The following VPS13D variants were observed in gnomAD, a reference collection of about 807,000 sequenced individuals.
VPS13D encodes the protein vacuolar protein sorting 13 homolog D.
Under a neutral mutation model 461.9 loss-of-function variants are expected in VPS13D, and 187 were observed. The ratio of observed to expected loss-of-function variants is 0.40; its 90% CI spans 0.36 to 0.46. The LOEUF (loss-of-function observed/expected upper bound fraction) is 0.46. Ranked by LOEUF, VPS13D falls within the 20% of genes least tolerant of loss-of-function variation. The probability of loss-of-function intolerance (pLI) is 0.60; values close to 1 mark genes in which losing one functional copy is unlikely to be tolerated. For synonymous variants in VPS13D, 1,951 were observed against 1,986.3 expected (o/e 0.98, Z 0.47); for missense variants, 4,711 against 5,364.9 (o/e 0.88, Z 3.81).
chr1:12,363,007 A>C, intron 51 of VPS13D, 65 bp from the exon 52 acceptor site: 2 of 1,593,688 alleles, frequency 1.3e-6, no homozygotes, highest in Non-Finnish European at 1.7e-6. Flanking sequence ...CAGAGTAGGT[A>C]CTCAGTAACA....
chr1:12,361,857 CTTTTA>C (rs1414247194), intron 50 of VPS13D, among the ~76,000 whole-genome samples: 2 of 151,662 alleles, frequency 1.3e-5, no homozygotes, highest in Non-Finnish European at 2.9e-5. Context: ...TGAATAAATT[CTTTTA>C]TTTATTTATT....
In VPS13D at chr1:12,468,680, C is replaced by A. The variant is rs182990153; in HGVS notation, c.12662+8284C>A. ...AGACATTTTCTTGCTAAATTTCTTA[C>A]TAACTTGTCAAATGGAGGGAAAATA... is the stretch of plus-strand genomic sequence containing the variant. On this transcript the variant is annotated intron_variant, in intron 67 of 69. Coordinates refer to ENST00000620676, the MANE Select transcript of VPS13D (RefSeq NM_015378.4). 7.7e-4 allele frequency among the ~76,000 whole-genome samples: 118 copies of A among 152,302 alleles called. 2 individuals are homozygous for A. The highest frequency in any genetic ancestry group is 2.7e-3 in the African/African-American group (111 of 41,562).
chr1:12,383,011 T>C lies in VPS13D; in HGVS notation c.11226T>C (p.Ala3742=), dbSNP rs746057802. The change falls in exon 58 of 70, where the codon GCT becomes GCC. Residue 3742 remains alanine (A), a synonymous_variant. Transcript: ENST00000620676. ...GACTTTCTGGTTTGTTTGATGGAGCTGAAGTTGTTCTTGGTCCTGACACTT... is the reference window on the plus strand; with the variant it reads ...GACTTTCTGGTTTGTTTGATGGAGCCGAAGTTGTTCTTGGTCCTGACACTT... ...KGGLSGLFDG[A]EVVLGPDTSM... The C allele has an allele frequency of 8.7e-6, 14 of 1,614,062 alleles. No homozygotes were observed. Among genetic ancestry groups the C allele is most frequent in the African/African-American group, 1.3e-5 (1 of 74,930 alleles).
At position 12,283,607 on chromosome 1, in the gene VPS13D, C is replaced by T. The variant is rs761717515; in HGVS notation, c.5505C>T (p.Ile1835=). ...TTGTGATATTAGACTTTTTTGGAAT[C>T]GGCTCCACTGCAGACAACCACGCAA... ...TWVVILDFFG[I]GSTADNHAMR... is the part of the protein sequence containing the mutation. The change falls in exon 21 of 70, where the codon ATC becomes ATT. Residue 1835 remains isoleucine (I), a synonymous_variant. Transcript: ENST00000620676. 2.0e-5 allele frequency: 33 copies of T among 1,614,030 alleles called. No homozygotes were observed. The highest frequency in any genetic ancestry group is 2.3e-5 in the Non-Finnish European group (27 of 1,180,022).
rs754978927 is a variant in VPS13D at position 12,319,566 on chromosome 1, C to T, written c.7484C>T (p.Thr2495Ile). ...AATGCCATTATTCTGAAAGGCACCA[C>T]AGTGCTCACCTATAAGCCCCGGTTT... ...DTNAIILKGTTVLTYKPRFVD... is the reference protein window; with the variant it reads ...DTNAIILKGTIVLTYKPRFVD... Residue 2495 changes from threonine to isoleucine, a missense_variant, in exon 32 of 70, where the codon ACA becomes ATA. By Grantham distance (89) the Thr-to-Ile change is moderately conservative. This residue lies in a region of VPS13D where 4,411 missense variants were observed against 4,937.8 expected (regional missense o/e 0.89). Transcript: ENST00000620676. The T allele has an allele frequency of 1.2e-6, 2 of 1,614,200 alleles. No homozygotes were observed. Among genetic ancestry groups the T allele is most frequent in the Non-Finnish European group, 1.7e-6 (2 of 1,180,038 alleles).
chr1:12,433,212 G>A (rs1406485445), intron 65 of VPS13D, among the ~76,000 whole-genome samples: 2 of 151,812 alleles, frequency 1.3e-5, no homozygotes, highest in East Asian at 3.9e-4. Context: ...GTAGGTGCTC[G>A]AAACCTTTGC....
intron 24 of VPS13D, among the ~76,000 whole-genome samples, chr1:12,298,681 A>G (rs1642342349): frequency 6.7e-6 from 1 of 150,186 alleles, no homozygotes; most frequent in Non-Finnish European, 1.5e-5. Flanking sequence ...TTTTGGGTGC[A>G]GTCATATTCT....
intron 2 of VPS13D, among the ~76,000 whole-genome samples, chr1:12,235,641 G>A (rs915713424): frequency 3.3e-5 from 5 of 152,152 alleles, no homozygotes; most frequent in African/African-American, 4.8e-5. Context: ...TTGTGGCAGC[G>A]CTAGGCCATG....
intron 49 of VPS13D, among the ~76,000 whole-genome samples, chr1:12,356,942 G>C (rs1404485057): frequency 6.6e-6 from 1 of 152,146 alleles, no homozygotes; most frequent in Non-Finnish European, 1.5e-5. Flanking sequence ...TCCAGGATTT[G>C]TATCACATTT....
chr1:12,308,130 C>CA (rs1184833566), intron 26 of VPS13D, among the ~76,000 whole-genome samples: 1 of 152,176 alleles, frequency 6.6e-6, no homozygotes, highest in Non-Finnish European at 1.5e-5. Context: ...ATCAATCCCC[C>CA]AGCCTCAGTT....
intron 1 of VPS13D, among the ~76,000 whole-genome samples, chr1:12,232,637 CTTTTTTTTTTTTT>C (rs772757546): frequency 1.3e-4 from 9 of 71,016 alleles, no homozygotes; most frequent in African/African-American, 4.9e-4. Flanking sequence ...TAAAATTAGT[CTTTTTTTTTTTTT>C]TTTTTTTTTT....
At chr1:12,260,415 AT>A (rs975675456) in intron 10 of VPS13D, among the ~76,000 whole-genome samples, 9 of 150,252 alleles carry the variant, frequency 6.0e-5, no homozygotes, top group South Asian at 2.1e-4. Context: ...CTTGTTAGTG[AT>A]TTTTTTTTTC....
At chr1:12,302,209 T>C (rs1012278354) in intron 25 of VPS13D, among the ~76,000 whole-genome samples, 16 of 152,198 alleles carry the variant, frequency 1.1e-4, no homozygotes, top group African/African-American at 3.9e-4. Flanking sequence ...GTATATGTGG[T>C]CTGTGGTTGA....
chr1:12,304,371 A>C, intron 25 of VPS13D, 135 bp from the exon 26 acceptor site: 1 of 731,244 alleles, frequency 1.4e-6, no homozygotes, highest in Non-Finnish European at 2.2e-6. Context: ...GGCTGAGGGA[A>C]GTATAAGTAT....
At chr1:12,333,604 C>A (rs148434677) in intron 38 of VPS13D, among the ~76,000 whole-genome samples, 2 of 152,184 alleles carry the variant, frequency 1.3e-5, no homozygotes, top group Non-Finnish European at 2.9e-5. Flanking sequence ...ACTTAGGAAA[C>A]GTAAATGGCC....
intron 68 of VPS13D, chr1:12,499,488 T>C: frequency 1.0e-6 from 1 of 985,364 alleles, no homozygotes; most frequent in African/African-American, 1.7e-5. Flanking sequence ...TAGAAGAAAT[T>C]GCGTGGTACA....
chr1:12,341,874 C>T lies in VPS13D; in HGVS notation c.8721C>T (p.Thr2907=), dbSNP rs1643575828. Residue 2907 remains threonine (T), a synonymous_variant, in exon 41 of 70, where the codon ACC becomes ACT. Coordinates refer to ENST00000620676, the MANE Select transcript of VPS13D (RefSeq NM_015378.4). Reference sequence around the variant, plus strand: ...CTTTGTGGTTTGCCACCCTGACCACCACACCCACCAGGTAAGCAGTCAGTT... The same window carrying T: ...CTTTGTGGTTTGCCACCCTGACCACTACACCCACCAGGTAAGCAGTCAGTT... ...GCTLWFATLT[T]TPTRAALSHS... 6.2e-7 allele frequency: 1 copy of T among 1,614,028 alleles called. No homozygotes were observed. Among genetic ancestry groups the T allele is most frequent in the Non-Finnish European group, 8.5e-7 (1 of 1,179,954 alleles).
intron 35 of VPS13D, among the ~76,000 whole-genome samples, chr1:12,324,855 T>G (rs1167469016): frequency 1.3e-5 from 2 of 152,226 alleles, no homozygotes; most frequent in Non-Finnish European, 2.9e-5. Context: ...AGGCAGACAT[T>G]ATTATTCCCA....
chr1:12,364,258 T>C (rs1643997106), intron 52 of VPS13D, among the ~76,000 whole-genome samples: 1 of 152,182 alleles, frequency 6.6e-6, no homozygotes, highest in Non-Finnish European at 1.5e-5. Context: ...ATGTTCTACT[T>C]GGTGTCTATA....
Sources: gnomAD v4.1 joint callset for allele counts (sites outside exome capture counted in the v4.1 genomes callset) on GRCh38, gnomAD v4.1.1 for gene constraint, gnomAD v4.1.1 regional missense constraint, MANE v1.5 for transcripts, NCBI Gene and HGNC (gene_info 2026-07-23, HGNC 2026-07-21) for gene names.